Variants in MINDY3 observed in about 807,000 individuals in gnomAD.
The protein encoded by MINDY3 is ubiquitin carboxyl-terminal hydrolase MINDY-3.
Under a neutral mutation model 69.2 loss-of-function variants are expected in MINDY3, and 38 were observed. The observed-to-expected ratio is 0.55, with a 90% CI of 0.42 to 0.72. The LOEUF (loss-of-function observed/expected upper bound fraction) is 0.72. Among genes scored for constraint, MINDY3 ranks in the 30% least tolerant of loss-of-function variants. The pLI, the probability that MINDY3 is intolerant of heterozygous loss-of-function variation, is 0.00. For missense variants in MINDY3, 522 were observed against 519.0 expected (o/e 1.01, Z -0.06); for synonymous variants, 192 against 180.1 (o/e 1.07, Z -0.53).
intron 10 of MINDY3, among the ~76,000 whole-genome samples, chr10:15,814,091 TAAG>T (rs1169841196): frequency 1.2e-4 from 19 of 152,256 alleles, no homozygotes; most frequent in African/African-American, 4.3e-4. Context: ...GTTATAATTT[TAAG>T]AAGAGCGAAA....
intron 2 of MINDY3, 58 bp from the exon 3 acceptor site, chr10:15,843,330 T>C: frequency 2.9e-6 from 4 of 1,366,160 alleles, no homozygotes; most frequent in Non-Finnish European, 4.2e-6. Flanking sequence ...ATCATATCAT[T>C]CTTCAATTTT....
Position 15,786,641 on chromosome 10 carries a change from G to A in MINDY3, c.1036C>T (p.Leu346Phe). 1.3e-6 allele frequency: 2 copies of A among 1,557,402 alleles called. No individual in the cohort carries two copies. The highest frequency in any genetic ancestry group is 4.5e-5 in the East Asian group (2 of 44,442). ...TCTGGATCTAATTTATTCTTCATGA[G>A]ATTTATACTACGGGGAGAAAGAAGA... ...DLVSDPEYINLMKNKLDPEGL... is the reference protein window; with the variant it reads ...DLVSDPEYINFMKNKLDPEGL... Residue 346 changes from leucine to phenylalanine, a missense_variant, in exon 13 of 15, where the codon CTC becomes TTC. By Grantham distance (22) the Leu-to-Phe change is conservative (BLOSUM62 0). Coordinates refer to ENST00000277632, the MANE Select transcript of MINDY3 (RefSeq NM_024948.4).
chr10:15,801,053 G>A (rs181091575), intron 10 of MINDY3, among the ~76,000 whole-genome samples: 409 of 152,296 alleles, frequency 2.7e-3, no homozygotes, highest in Non-Finnish European at 4.9e-3. Context: ...AAGGTAACAG[G>A]AGAAGCAGCT....
chr10:15,819,302 C>A (rs534939926), intron 9 of MINDY3, among the ~76,000 whole-genome samples: 2 of 152,126 alleles, frequency 1.3e-5, no homozygotes, highest in African/African-American at 2.4e-5. Context: ...AAAATATACA[C>A]AGAATTTGAG....
intron 10 of MINDY3, among the ~76,000 whole-genome samples, chr10:15,807,800 A>G (rs1838737428): frequency 6.6e-6 from 1 of 152,230 alleles, no homozygotes; most frequent in South Asian, 2.1e-4. Context: ...AAGTAAAAGA[A>G]AAAGAAAATT....
At chr10:15,832,980 T>C (rs567392780) in intron 8 of MINDY3, among the ~76,000 whole-genome samples, 1 of 152,192 alleles carries the variant, frequency 6.6e-6, no homozygotes, top group Non-Finnish European at 1.5e-5. Flanking sequence ...GGTTACTTAA[T>C]GTAAGTTAAA....
chr10:15,833,387 A>G (rs1832860539), intron 8 of MINDY3, among the ~76,000 whole-genome samples: 1 of 152,192 alleles, frequency 6.6e-6, no homozygotes, highest in African/African-American at 2.4e-5. Flanking sequence ...TACCACAGAA[A>G]ATGAAAGGCC....
chr10:15,800,347 T>C (rs966569758), intron 10 of MINDY3, among the ~76,000 whole-genome samples: 8 of 152,112 alleles, frequency 5.3e-5, no homozygotes, highest in Non-Finnish European at 1.0e-4. Flanking sequence ...AATGTAAAGA[T>C]GCAGTATCAG....
chr10:15,789,401 A>C (rs893183840), intron 11 of MINDY3, 82 bp from the exon 12 acceptor site: 3 of 1,040,042 alleles, frequency 2.9e-6, no homozygotes, highest in Non-Finnish European at 2.9e-6. Flanking sequence ...GTTCCAGGAA[A>C]AAAAAATCGC....
chr10:15,802,588 A>C (rs563176626), intron 10 of MINDY3, among the ~76,000 whole-genome samples: 1 of 152,288 alleles, frequency 6.6e-6, no homozygotes, highest in South Asian at 2.1e-4. Context: ...AAGCCAAATC[A>C]TATCAGGAAT....
At position 15,778,941 on chromosome 10, in the gene MINDY3, C is replaced by A; in HGVS notation, c.*51G>T. ...ATCCAGCCAATTGCCAGTCTTGACT[C>A]CTTCTTTCAACATCTGTTATTAAGA... On this transcript the variant is annotated 3_prime_UTR_variant, in exon 15 of 15. Transcript: ENST00000277632. The A allele has an allele frequency of 1.9e-6, 3 of 1,548,202 alleles. No homozygotes were observed. Among genetic ancestry groups the A allele is most frequent in the Non-Finnish European group, 2.6e-6 (3 of 1,133,614 alleles).
At chr10:15,845,586 A>C (rs1158599287) in intron 2 of MINDY3, among the ~76,000 whole-genome samples, 1 of 151,954 alleles carries the variant, frequency 6.6e-6, no homozygotes, top group Non-Finnish European at 1.5e-5. Context: ...TGCAGCCCTG[A>C]ACTCCTGAGC....
At chr10:15,796,242 G>A in intron 10 of MINDY3, 70 bp from the exon 11 acceptor site, 1 of 1,187,360 alleles carries the variant, frequency 8.4e-7, no homozygotes, top group South Asian at 1.2e-5. Flanking sequence ...CAGATACTAG[G>A]GTAGGCAGAC....
chr10:15,794,714 C>T (rs115919079), intron 11 of MINDY3, among the ~76,000 whole-genome samples: 3,479 of 152,100 alleles, frequency 0.023, 111 homozygotes, highest in African/African-American at 0.076. Flanking sequence ...CCTTGGTACA[C>T]TGTAAAAGAA....
At chr10:15,793,951 C>A (rs1311662580) in intron 11 of MINDY3, among the ~76,000 whole-genome samples, 1 of 152,032 alleles carries the variant, frequency 6.6e-6, no homozygotes, top group Admixed American at 6.6e-5. Context: ...CTCATAGAGG[C>A]AATGCTATAA....
Position 15,837,486 on chromosome 10 carries a change from C to T in MINDY3, c.462-168G>A, listed in dbSNP as rs1169998037. The T allele has an allele frequency of 4.3e-6, 6 of 1,401,846 alleles. No homozygotes were observed. The Admixed American group carries it at 1.2e-4, about 28-fold the overall frequency. The allele number at this position is 1,401,846 out of a possible 1,614,324, so 86.8% of individuals were successfully genotyped here. A position where few individuals can be genotyped will look rare whatever the true frequency, so the allele number is the denominator to read the frequency against. On this transcript the variant is annotated intron_variant, in intron 5 of 14. Coordinates refer to ENST00000277632, the MANE Select transcript of MINDY3 (RefSeq NM_024948.4). ...CAAATTTAGCCACTAAAACCAAAAG[C>T]TATTTCTGACAACTATCACTATATA...
intron 13 of MINDY3, among the ~76,000 whole-genome samples, chr10:15,783,074 T>C (rs1836671080): frequency 6.6e-6 from 1 of 152,126 alleles, no homozygotes. Flanking sequence ...TTTTTCCAAC[T>C]GGAATTAAGG....
chr10:15,781,437 T>C (rs1449312598), intron 14 of MINDY3, among the ~76,000 whole-genome samples: 1 of 150,106 alleles, frequency 6.7e-6, no homozygotes, highest in Non-Finnish European at 1.5e-5. Context: ...TAGTATGTAC[T>C]GTAACTCATA....
intron 8 of MINDY3, among the ~76,000 whole-genome samples, chr10:15,828,161 T>C (rs1483133201): frequency 6.6e-6 from 1 of 152,164 alleles, no homozygotes; most frequent in African/African-American, 2.4e-5. Context: ...GCATTACTCA[T>C]AATGGCCAAG....
Sources: gnomAD v4.1 joint callset for allele counts (sites outside exome capture counted in the v4.1 genomes callset) on GRCh38, gnomAD v4.1.1 for gene constraint, MANE v1.5 for transcripts, NCBI Gene and HGNC (gene_info 2026-07-23, HGNC 2026-07-21) for gene names.